The following KDM3B variants were observed in gnomAD, a reference collection of about 807,000 sequenced individuals.
The protein encoded by KDM3B is lysine demethylase 3B.
Under a neutral mutation model 170.0 loss-of-function variants are expected in KDM3B, and 10 were observed. The ratio of observed to expected loss-of-function variants is 0.06; its 90% confidence interval spans 0.04 to 0.10. The LOEUF (loss-of-function observed/expected upper bound fraction) is 0.10, where lower values mean the gene tolerates loss of function less well. Among genes scored for constraint, KDM3B ranks in the 10% least tolerant of loss-of-function variants. The pLI, the probability that KDM3B is intolerant of heterozygous loss-of-function variation, is 1.00. For synonymous variants in KDM3B, 831 were observed against 834.8 expected, an observed-to-expected ratio of 1.00 and a Z score of 0.08; for missense variants, 1,394 against 2,195.2, an observed-to-expected ratio of 0.64 and a Z score of 7.29.
intron 11 of KDM3B, among the ~76,000 whole-genome samples, chr5:138,405,139 G>A (rs1762785005): frequency 6.6e-6 from 1 of 151,292 alleles, no homozygotes; most frequent in Non-Finnish European, 1.5e-5. Flanking sequence ...TGTCTCCCAG[G>A]TTCAAGTGAT....
Position 138,391,503 on chromosome 5 carries a change from A to G in KDM3B, c.1871A>G (p.Gln624Arg). Residue 624 changes from glutamine to arginine, a missense_variant, in exon 8 of 24, where the codon CAG becomes CGG. Transcript: ENST00000314358. The surrounding 1 kb of genome is among the most constrained non-coding windows in gnomAD (Gnocchi z 5.0). Reference protein sequence around the residue: ...TPENHENLFLQPPKLSREEPS... With the variant: ...TPENHENLFLRPPKLSREEPS... ...GAGAATCATGAAAATCTATTTTTAC[A>G]GCCCCCCAAATTGTCCCGAGAAGAG... 6.2e-7 allele frequency: 1 copy of G among 1,614,084 alleles called. No homozygotes were observed. Among genetic ancestry groups the G allele is most frequent in the Non-Finnish European group, 8.5e-7 (1 of 1,180,026 alleles).
chr5:138,385,210 AG>A (rs1265968137), intron 6 of KDM3B, among the ~76,000 whole-genome samples: 1 of 151,924 alleles, frequency 6.6e-6, no homozygotes, highest in African/African-American at 2.4e-5. Flanking sequence ...TAGTAGAGAC[AG>A]GGTTTCACCA....
At chr5:138,396,984 G>A (rs1422898286) in intron 9 of KDM3B, among the ~76,000 whole-genome samples, 1 of 152,082 alleles carries the variant, frequency 6.6e-6, no homozygotes, top group Non-Finnish European at 1.5e-5. Context: ...CCAGGTGTTT[G>A]AAATTGGCCT....
chr5:138,423,821 C>T (rs768430045), intron 15 of KDM3B, among the ~76,000 whole-genome samples: 42 of 152,276 alleles, frequency 2.8e-4, no homozygotes, highest in Non-Finnish European at 5.7e-4. Flanking sequence ...TTTCTTAGGT[C>T]TCAGATCTCT....
At chr5:138,361,482 A>G (rs1361761544) in intron 1 of KDM3B, among the ~76,000 whole-genome samples, 1 of 152,148 alleles carries the variant, frequency 6.6e-6, no homozygotes, top group East Asian at 1.9e-4. Context: ...CTATCCAGAG[A>G]TCTGCATAGA....
intron 17 of KDM3B, 67 bp from the exon 18 acceptor site, chr5:138,426,908 G>A (rs1388898057): frequency 2.9e-6 from 3 of 1,027,756 alleles, no homozygotes; most frequent in South Asian, 1.3e-5. Context: ...TCTCCCAAAA[G>A]TTACTGTTGA....
chr5:138,416,038 C>G (rs1369315242), intron 12 of KDM3B, among the ~76,000 whole-genome samples: 2 of 151,772 alleles, frequency 1.3e-5, no homozygotes, highest in African/African-American at 4.8e-5. Context: ...CCAGACTGGT[C>G]AACATAGCAA....
chr5:138,426,512 T>C (rs1035439438), intron 17 of KDM3B, among the ~76,000 whole-genome samples: 4 of 149,696 alleles, frequency 2.7e-5, no homozygotes, highest in African/African-American at 9.9e-5. Flanking sequence ...GAGGCGGAGC[T>C]TGCAGTGAGC....
chr5:138,400,267 CT>C (rs2126962627), intron 11 of KDM3B, among the ~76,000 whole-genome samples: 1 of 151,880 alleles, frequency 6.6e-6, no homozygotes, highest in East Asian at 1.9e-4. Flanking sequence ...CAGATTCTCG[CT>C]CTGTTGCCCA....
chr5:138,410,930 T>TG (rs778994587), intron 11 of KDM3B, among the ~76,000 whole-genome samples: 24 of 152,210 alleles, frequency 1.6e-4, no homozygotes, highest in Non-Finnish European at 2.6e-4. Flanking sequence ...GGATGGAACA[T>TG]GAAGGCGGAC....
chr5:138,399,543 A>AAT (rs1554129285), intron 10 of KDM3B, among the ~76,000 whole-genome samples: 3 of 151,568 alleles, frequency 2.0e-5, no homozygotes, highest in South Asian at 4.2e-4. Flanking sequence ...ATCTCAAAAA[A>AAT]ATATATATAT....
chr5:138,419,742 C>T (rs148567420), intron 14 of KDM3B, among the ~76,000 whole-genome samples: 11 of 106,556 alleles, frequency 1.0e-4, no homozygotes, highest in Non-Finnish European at 2.0e-4. Flanking sequence ...CACACACACA[C>T]ACACACACAC....
chr5:138,428,940 C>CTTTGT (rs1763462361), intron 20 of KDM3B, among the ~76,000 whole-genome samples: 2 of 101,232 alleles, frequency 2.0e-5, no homozygotes, highest in Non-Finnish European at 4.2e-5. Context: ...GGGATAATTT[C>CTTTGT]TTTTTTTTTT....
chr5:138,372,880 T>A, intron 2 of KDM3B, 39 bp downstream of exon 2: 1 of 1,568,184 alleles, frequency 6.4e-7, no homozygotes, highest in African/African-American at 1.4e-5. Flanking sequence ...GTCTGAGCTT[T>A]ACTCCTATAA....
intron 2 of KDM3B, 129 bp from the exon 3 acceptor site, chr5:138,374,963 AT>A (rs1761959200): frequency 5.0e-6 from 3 of 598,250 alleles, no homozygotes; most frequent in Admixed American, 2.7e-5. Context: ...CCAAGGACTT[AT>A]GCTTTAGCTT....
Position 138,420,755 on chromosome 5 carries a change from T to G in KDM3B, c.3765T>G (p.Phe1255Leu). ...SVLNKESHSP[F>L]GLDSFNSTAK... ...TCAATAAAGAGTCTCATTCACCCTTTGGGCTGGACTCGTTCAACTCCACTG... is the reference window on the plus strand; with the variant it reads ...TCAATAAAGAGTCTCATTCACCCTTGGGGCTGGACTCGTTCAACTCCACTG... Residue 1255 changes from phenylalanine (F) to leucine (L), a missense_variant, in exon 15 of 24, where the codon TTT (phenylalanine) becomes TTG (leucine). Around this residue, in one of 19 missense-constraint regions of KDM3B, gnomAD observed 137 missense variants for 166.9 expected, o/e 0.82. Coordinates refer to ENST00000314358, the MANE Select transcript of KDM3B (RefSeq NM_016604.4). 6.2e-7 allele frequency: 1 copy of G among 1,614,162 alleles called. No individual in the cohort carries two copies. The highest frequency in any genetic ancestry group is 8.5e-7 in the Non-Finnish European group (1 of 1,180,030).
At chr5:138,393,128 T>C in intron 8 of KDM3B, 43 bp from the exon 9 acceptor site, 1 of 1,582,180 alleles carries the variant, frequency 6.3e-7, no homozygotes, top group East Asian at 2.2e-5. Flanking sequence ...TGGTTCCTGT[T>C]TACACCTCAT....
chr5:138,394,703 G>A (rs992247910), intron 9 of KDM3B, among the ~76,000 whole-genome samples: 2 of 152,176 alleles, frequency 1.3e-5, no homozygotes, highest in Non-Finnish European at 2.9e-5. Flanking sequence ...TATTCCAAAG[G>A]CCTTGGTTTT....
intron 10 of KDM3B, among the ~76,000 whole-genome samples, chr5:138,399,040 C>A (rs550012755): frequency 6.6e-6 from 1 of 151,518 alleles, no homozygotes; most frequent in African/African-American, 2.4e-5. Flanking sequence ...AGGCGCCCAC[C>A]ACCAAGCCCG....
Sources: allele counts gnomAD v4.1 joint callset (sites outside exome capture counted in the v4.1 genomes callset), GRCh38; gene constraint gnomAD v4.1.1; regional missense constraint gnomAD v4.1.1; non-coding constraint Gnocchi (gnomAD v3.1); transcripts MANE v1.5; gene names NCBI Gene and HGNC (gene_info 2026-07-23, HGNC 2026-07-21).